The following CLNK variants were observed in gnomAD, a reference collection of about 807,000 sequenced individuals.
The protein encoded by CLNK is cytokine dependent hematopoietic cell linker, also known as cytokine-dependent hematopoietic cell linker.
Under a neutral mutation model 68.6 loss-of-function variants are expected in CLNK, and 74 were observed. The ratio of observed to expected loss-of-function variants is 1.08; its 90% confidence interval spans 0.89 to 1.31. CLNK has a LOEUF of 1.31. Among genes scored for constraint, CLNK ranks in the 50% most tolerant of loss-of-function variants. CLNK has a pLI of 0.00. For missense variants in CLNK, 553 were observed against 515.3 expected (o/e 1.07, Z -0.71); for synonymous variants, 198 against 172.2 (o/e 1.15, Z -1.17).
At chr4:10,722,088 T>G in the CLNK span, among the ~76,000 whole-genome samples, 1 of 152,108 alleles carries the variant, frequency 6.6e-6, no homozygotes, top group Non-Finnish European at 1.5e-5. Flanking sequence ...GTGGGAGGAT[T>G]GTTTGAGTCC....
chr4:10,649,327 G>T (rs1376012954), intron 2 of CLNK, among the ~76,000 whole-genome samples: 1 of 152,120 alleles, frequency 6.6e-6, no homozygotes, highest in Non-Finnish European at 1.5e-5. Context: ...CAAAAGCAGG[G>T]ACTATTCAGA....
chr4:10,693,874 C>T, the CLNK span, among the ~76,000 whole-genome samples: 1 of 152,082 alleles, frequency 6.6e-6, no homozygotes, highest in Non-Finnish European at 1.5e-5. Flanking sequence ...GGACCATAAC[C>T]ATGTGTTGCA....
At chr4:10,675,728 T>C (rs141402037) in intron 1 of CLNK, among the ~76,000 whole-genome samples, 38 of 152,276 alleles carry the variant, frequency 2.5e-4, no homozygotes, top group African/African-American at 7.7e-4. Flanking sequence ...ATTCTAATAA[T>C]ATCTACAAGA....
chr4:10,549,015 T>C (rs1011757129), intron 8 of CLNK, among the ~76,000 whole-genome samples: 22 of 152,242 alleles, frequency 1.4e-4, no homozygotes, highest in Non-Finnish European at 5.9e-5. Flanking sequence ...AGGGTGAATC[T>C]TTATGATACA....
At chr4:10,598,213 A>G (rs1560235083) in intron 2 of CLNK, among the ~76,000 whole-genome samples, 164 bp from the exon 3 acceptor site, 2 of 152,210 alleles carry the variant, frequency 1.3e-5, no homozygotes, top group Non-Finnish European at 2.9e-5. Context: ...GGGTTAAAGA[A>G]AATTTGTGTT....
intron 2 of CLNK, among the ~76,000 whole-genome samples, chr4:10,664,091 T>C (rs897570617): frequency 6.6e-6 from 1 of 152,184 alleles, no homozygotes. Flanking sequence ...CTAAGGCAGA[T>C]AGTAAGGAAT....
intron 1 of CLNK, among the ~76,000 whole-genome samples, chr4:10,681,955 A>G (rs1725108092): frequency 6.6e-6 from 1 of 152,238 alleles, no homozygotes; most frequent in South Asian, 2.1e-4. Context: ...GTCTATCAGC[A>G]ACACTTAAAT....
chr4:10,586,982 A>C (rs955593390), intron 3 of CLNK, among the ~76,000 whole-genome samples: 2 of 150,252 alleles, frequency 1.3e-5, no homozygotes, highest in African/African-American at 4.9e-5. Context: ...TTTGAGACAG[A>C]GTCTCACTCT....
rs1395349779 is a variant in CLNK, at chr4:10,668,005, A to G, written c.-42-94T>C. On this transcript the variant is annotated intron_variant, in intron 1 of 18. Coordinates refer to ENST00000226951, the MANE Select transcript of CLNK (RefSeq NM_052964.4). ...CTGTTGCTGCTTGTTAAAATCGGAT[A>G]CAGGTGCTGGTTTAAAGGAAATGAC... 4 of 598,654 alleles carry G rather than the reference A, an allele frequency of 6.7e-6. 1 individual carries two copies. The highest frequency in any genetic ancestry group is 7.0e-5 in the Admixed American group (2 of 28,766). 37.1% of individuals were successfully genotyped at this position (598,654 alleles called of 1,614,324 possible). A position where few individuals can be genotyped will look rare whatever the true frequency, so the allele number is the denominator to read the frequency against.
chr4:10,680,789 A>G (rs1341407353), intron 1 of CLNK, among the ~76,000 whole-genome samples: 1 of 152,160 alleles, frequency 6.6e-6, no homozygotes, highest in Non-Finnish European at 1.5e-5. Flanking sequence ...GTCTAAAACC[A>G]TATTGCTAGG....
At chr4:10,702,891 T>G in the CLNK span, among the ~76,000 whole-genome samples, 1 of 151,932 alleles carries the variant, frequency 6.6e-6, no homozygotes, top group Admixed American at 6.6e-5. Flanking sequence ...ATGCTGGTCT[T>G]GGGTAGAAGA....
chr4:10,728,280 C>T, the CLNK span, among the ~76,000 whole-genome samples: 1 of 152,128 alleles, frequency 6.6e-6, no homozygotes. Flanking sequence ...CAATATTTGC[C>T]AAACGTTTTT....
chr4:10,708,454 G>T, the CLNK span, among the ~76,000 whole-genome samples: 1 of 151,994 alleles, frequency 6.6e-6, no homozygotes, highest in Non-Finnish European at 1.5e-5. Flanking sequence ...AAGGTGACAT[G>T]CCCATCAGTG....
At chr4:10,576,371 T>C (rs1291052885) in intron 4 of CLNK, among the ~76,000 whole-genome samples, 1 of 152,156 alleles carries the variant, frequency 6.6e-6, no homozygotes, top group Non-Finnish European at 1.5e-5. Context: ...TGCATGGATG[T>C]GTGGAGGGTC....
chr4:10,559,017 C>T (rs776459225), intron 7 of CLNK, among the ~76,000 whole-genome samples: 28 of 152,204 alleles, frequency 1.8e-4, no homozygotes, highest in Non-Finnish European at 3.7e-4. Context: ...GACGACAACA[C>T]GGAACACAAG....
chr4:10,524,593 T>A (rs1718224351), intron 14 of CLNK, among the ~76,000 whole-genome samples: 1 of 152,158 alleles, frequency 6.6e-6, no homozygotes, highest in Non-Finnish European at 1.5e-5. Context: ...ATGGGCTGCA[T>A]TTTTAGACTC....
chr4:10,585,009 C>A, intron 3 of CLNK, 54 bp from the exon 4 acceptor site: 5 of 1,593,408 alleles, frequency 3.1e-6, no homozygotes, highest in Middle Eastern at 1.7e-4. Flanking sequence ...CTCCACCGAC[C>A]CCCCGCCACA....
At chr4:10,661,271 T>G (rs1203939113) in intron 2 of CLNK, among the ~76,000 whole-genome samples, 2 of 152,204 alleles carry the variant, frequency 1.3e-5, no homozygotes, top group Non-Finnish European at 2.9e-5. Context: ...TGCCAGACAT[T>G]GAGCCCTCTC....
At chr4:10,705,381 A>G in the CLNK span, among the ~76,000 whole-genome samples, 29 of 152,212 alleles carry the variant, frequency 1.9e-4, no homozygotes, top group African/African-American at 6.3e-4. Context: ...GGCTTAAACA[A>G]TACAGTTTTA....
Sources: allele counts gnomAD v4.1 joint callset (sites outside exome capture counted in the v4.1 genomes callset), GRCh38; gene constraint gnomAD v4.1.1; transcripts MANE v1.5; gene names NCBI Gene and HGNC (gene_info 2026-07-23, HGNC 2026-07-21).